The following ABCC4 variants were observed in gnomAD, a reference collection of about 807,000 sequenced individuals.
ABCC4 encodes ATP-binding cassette sub-family C member 4.
ABCC4 carries 102 observed loss-of-function variants against 168.5 expected under a neutral mutation model. The ratio of observed to expected loss-of-function variants is 0.61; its 90% CI spans 0.52 to 0.71. ABCC4 has a LOEUF of 0.71. Among genes scored for constraint, ABCC4 ranks in the 30% least tolerant of loss-of-function variants. The pLI is 0.00. For missense variants in ABCC4, 1,402 were observed against 1,605.8 expected, an observed-to-expected ratio of 0.87 and a Z score of 2.17; for synonymous variants, 617 against 590.7, an observed-to-expected ratio of 1.04 and a Z score of -0.65.
intron 4 of ABCC4, among the ~76,000 whole-genome samples, chr13:95,226,014 C>T (rs1487942068): frequency 6.8e-6 from 1 of 146,192 alleles, no homozygotes; most frequent in Admixed American, 6.8e-5. Flanking sequence ...ATGTAGATAA[C>T]TGAGGAATAG....
At position 95,044,406 on chromosome 13, in the gene ABCC4, A is replaced by C. The variant is rs568014366; in HGVS notation, c.3489T>G (p.Pro1163=). The stretch of plus-strand genomic sequence containing the variant: ...CTGCTAATTCAGTATCCATTTTACC[A>C]GGAAGATCTTCAATGGTTTCTTTAA... ...VQLKETIEDL[P]GKMDTELAES... The change falls in exon 28 of 31, where the codon CCT becomes CCG. Residue 1163 remains proline (P), a synonymous_variant. Transcript: ENST00000645237. 2.5e-6 allele frequency: 4 copies of C among 1,612,744 alleles called. No individual in the cohort carries two copies. In the East Asian group the frequency reaches 8.9e-5, roughly 36 times the overall value.
chr13:95,133,070 A>C (rs1360625329), intron 19 of ABCC4, among the ~76,000 whole-genome samples: 1 of 151,564 alleles, frequency 6.6e-6, no homozygotes, highest in Non-Finnish European at 1.5e-5. Flanking sequence ...TTAACATGGC[A>C]AATCTTACGT....
chr13:95,292,550 G>GC (rs1331727944), intron 1 of ABCC4, among the ~76,000 whole-genome samples: 1 of 152,136 alleles, frequency 6.6e-6, no homozygotes, highest in Non-Finnish European at 1.5e-5. Context: ...ATTCTGTAAT[G>GC]CTTTTCTTAG....
chr13:95,252,521 A>G (rs1044263581), intron 1 of ABCC4, among the ~76,000 whole-genome samples: 6 of 152,062 alleles, frequency 3.9e-5, no homozygotes, highest in Admixed American at 3.3e-4. Context: ...ACTAAAATAC[A>G]AAAATTACCC....
chr13:95,204,328 T>C lies in ABCC4; in HGVS notation c.1161+2204A>G, dbSNP rs138457575. Among the ~76,000 whole-genome samples the C allele has an allele frequency of 1.8e-3, 280 of 152,234 alleles. 2 individuals are homozygous for C. Among genetic ancestry groups the C allele is most frequent in the African/African-American group, 6.3e-3 (263 of 41,540 alleles). On this transcript the variant is annotated intron_variant, in intron 8 of 30. Coordinates refer to ENST00000645237, the MANE Select transcript of ABCC4 (RefSeq NM_005845.5). ...ACCAGAGGATACTAAGGCAGCAACATAGGTGATACAGTTTGGCTCTGTGTC... is the reference window on the plus strand; with the variant it reads ...ACCAGAGGATACTAAGGCAGCAACACAGGTGATACAGTTTGGCTCTGTGTC...
chr13:95,097,188 AAAGAG>A (rs1594088610), intron 20 of ABCC4, among the ~76,000 whole-genome samples: 2 of 148,818 alleles, frequency 1.3e-5, no homozygotes, highest in East Asian at 3.9e-4. Context: ...ACAATAACAT[AAAGAG>A]TAGAGCTAAA....
intron 19 of ABCC4, among the ~76,000 whole-genome samples, chr13:95,118,910 C>T (rs2035469208): frequency 6.6e-6 from 1 of 152,190 alleles, no homozygotes; most frequent in Non-Finnish European, 1.5e-5. Flanking sequence ...GGCAGCTCTT[C>T]AACTACTTGA....
Position 95,188,516 on chromosome 13 carries a change from G to A in ABCC4, c.1290C>T (p.Gly430=), listed in dbSNP as rs951466035. The A allele has an allele frequency of 5.8e-5, 94 of 1,613,468 alleles. No individual in the cohort carries two copies. The East Asian group carries it at 2.1e-3, about 36-fold the overall frequency. The change falls in exon 10 of 31, where the codon GGC becomes GGT. Residue 430 remains glycine (G), a synonymous_variant. Coordinates refer to ENST00000645237, the MANE Select transcript of ABCC4 (RefSeq NM_005845.5). The part of the protein sequence containing the change: ...DKASETPTLQ[G]LSFTVRPGEL... ...CGCCAGGTCTGACAGTAAAGGAAAG[G>A]CCTTGTAGAGTTGGGGTCTCTGATG...
intron 3 of ABCC4, among the ~76,000 whole-genome samples, chr13:95,246,647 G>A (rs1226617219): frequency 6.6e-6 from 1 of 152,162 alleles, no homozygotes; most frequent in African/African-American, 2.4e-5. Context: ...GTGACTCTTA[G>A]CATTTAAAAC....
At chr13:95,069,235 A>T (rs2033646327) in intron 25 of ABCC4, among the ~76,000 whole-genome samples, 1 of 152,062 alleles carries the variant, frequency 6.6e-6, no homozygotes, top group Non-Finnish European at 1.5e-5. Context: ...ATTTCTTTGT[A>T]TGTGCATATC....
intron 25 of ABCC4, among the ~76,000 whole-genome samples, chr13:95,067,909 T>C (rs908806373): frequency 1.3e-5 from 2 of 152,038 alleles, no homozygotes; most frequent in Admixed American, 6.6e-5. Flanking sequence ...CACAAAACCA[T>C]CTAAATGAAA....
chr13:95,167,243 T>C (rs1314013608), intron 14 of ABCC4, among the ~76,000 whole-genome samples: 1 of 148,868 alleles, frequency 6.7e-6, no homozygotes, highest in African/African-American at 2.5e-5. Flanking sequence ...ACTCAGGGAG[T>C]TCCTAACTGA....
At chr13:95,241,962 AC>A (rs1222731188) in intron 3 of ABCC4, among the ~76,000 whole-genome samples, 6 of 152,112 alleles carry the variant, frequency 3.9e-5, no homozygotes, top group Non-Finnish European at 8.8e-5. Context: ...CATTATTGGA[AC>A]ACTAAGCTTG....
intron 26 of ABCC4, chr13:95,053,931 C>T (rs1312008612): frequency 2.9e-5 from 4 of 136,836 alleles, no homozygotes; most frequent in Non-Finnish European, 6.1e-5. Context: ...GAGCCGAGAT[C>T]GTGCCATTGC....
At chr13:95,183,028 T>A (rs1302410991) in intron 11 of ABCC4, among the ~76,000 whole-genome samples, 1 of 151,826 alleles carries the variant, frequency 6.6e-6, no homozygotes, top group Non-Finnish European at 1.5e-5. Context: ...CTAGTTGCTA[T>A]CAACATATCT....
At chr13:95,200,678 G>A (rs1447135909) in intron 8 of ABCC4, among the ~76,000 whole-genome samples, 1 of 152,124 alleles carries the variant, frequency 6.6e-6, no homozygotes, top group African/African-American at 2.4e-5. Flanking sequence ...CTGAGATCAC[G>A]CCACTGCACT....
At chr13:95,096,110 G>C (rs1418264416) in intron 20 of ABCC4, 1 of 586,662 alleles carries the variant, frequency 1.7e-6, no homozygotes, top group Non-Finnish European at 3.0e-6. Context: ...AGGTTTGCTT[G>C]AGGAGGGAGG....
At chr13:95,041,264 T>C (rs928100937) in intron 29 of ABCC4, among the ~76,000 whole-genome samples, 3 of 152,244 alleles carry the variant, frequency 2.0e-5, no homozygotes, top group Non-Finnish European at 4.4e-5. Context: ...AATAAAATTC[T>C]AAGCTTAACA....
intron 8 of ABCC4, among the ~76,000 whole-genome samples, chr13:95,196,999 T>A (rs1386719425): frequency 6.6e-6 from 1 of 152,124 alleles, no homozygotes. Context: ...CTTGATTCCC[T>A]GAGTATTAAT....
Sources: gnomAD v4.1 joint callset for allele counts (sites outside exome capture counted in the v4.1 genomes callset) on GRCh38, gnomAD v4.1.1 for gene constraint, MANE v1.5 for transcripts, NCBI Gene and HGNC (gene_info 2026-07-23, HGNC 2026-07-21) for gene names.